The following SV2C variants were observed in gnomAD, a reference collection of about 807,000 sequenced individuals.
The protein encoded by SV2C is synaptic vesicle glycoprotein 2C, also known as solute carrier family 22 member B3.
A neutral mutation model predicts 79.7 loss-of-function variants in SV2C; 49 were observed. The ratio of observed to expected loss-of-function variants is 0.61; its 90% CI spans 0.49 to 0.78. The LOEUF (loss-of-function observed/expected upper bound fraction) is 0.78, where lower values mean the gene tolerates loss of function less well. Among genes scored for constraint, SV2C ranks in the 30% least tolerant of loss-of-function variants. The pLI, the probability that SV2C is intolerant of heterozygous loss-of-function variation, is 0.00. For synonymous variants in SV2C, 334 were observed against 333.2 expected (o/e 1.00, Z -0.03); for missense variants, 833 against 912.9 (o/e 0.91, Z 1.13).
chr5:76,191,410 T>C (rs1744100190), intron 2 of SV2C, among the ~76,000 whole-genome samples: 1 of 152,224 alleles, frequency 6.6e-6, no homozygotes, highest in African/African-American at 2.4e-5. Context: ...CAAGGAATTC[T>C]AGAGTAATGC....
chr5:76,121,484 G>T (rs537474273), intron 1 of SV2C, among the ~76,000 whole-genome samples: 1 of 151,468 alleles, frequency 6.6e-6, no homozygotes, highest in Admixed American at 6.6e-5. Flanking sequence ...TTTTCTTCTA[G>T]GGTTTTTATG....
intron 11 of SV2C, 26 bp from the exon 12 acceptor site, chr5:76,301,360 C>T (rs367884080): frequency 3.2e-5 from 51 of 1,612,104 alleles, no homozygotes; most frequent in Non-Finnish European, 4.3e-5. Context: ...GGAAACATTC[C>T]AGCCTTTTGT....
chr5:76,113,038 G>A (rs562704445), intron 1 of SV2C, among the ~76,000 whole-genome samples: 9 of 152,276 alleles, frequency 5.9e-5, no homozygotes, highest in East Asian at 5.8e-4. Flanking sequence ...ATTTTTGTTC[G>A]TTTTGCATCT....
the SV2C span, among the ~76,000 whole-genome samples, chr5:76,048,996 AAAG>A: frequency 3.0e-5 from 3 of 99,600 alleles, no homozygotes; most frequent in African/African-American, 1.1e-4. Flanking sequence ...AGAAAGAAAG[AAAG>A]AAAGAAAGAA....
At chr5:76,054,209 G>A in the SV2C span, among the ~76,000 whole-genome samples, 1 of 152,090 alleles carries the variant, frequency 6.6e-6, no homozygotes, top group Non-Finnish European at 1.5e-5. Flanking sequence ...TGTTCCCATT[G>A]TTCCACACCC....
chr5:76,123,812 GAA>G (rs1337130868), intron 1 of SV2C, among the ~76,000 whole-genome samples: 1 of 152,160 alleles, frequency 6.6e-6, no homozygotes, highest in Non-Finnish European at 1.5e-5. Flanking sequence ...TCACAGCCAA[GAA>G]TTACTAAACT....
intron 2 of SV2C, among the ~76,000 whole-genome samples, chr5:76,167,812 G>A (rs1274709642): frequency 3.3e-5 from 5 of 152,138 alleles, no homozygotes. Flanking sequence ...TTTATCAGCT[G>A]AGTTATACTG....
intron 12 of SV2C, among the ~76,000 whole-genome samples, chr5:76,350,534 A>T (rs1480168480): frequency 6.6e-6 from 1 of 152,248 alleles, no homozygotes; most frequent in Admixed American, 6.5e-5. Context: ...ACGGAGGCCT[A>T]GAGACAGCAG....
At chr5:76,048,745 T>G in the SV2C span, among the ~76,000 whole-genome samples, 1 of 150,306 alleles carries the variant, frequency 6.7e-6, no homozygotes, top group Non-Finnish European at 1.5e-5. Flanking sequence ...AAGGTGCACA[T>G]GTACAAGCTG....
At chr5:76,123,495 C>T (rs1338717951) in intron 1 of SV2C, among the ~76,000 whole-genome samples, 12 of 152,018 alleles carry the variant, frequency 7.9e-5, no homozygotes, top group African/African-American at 1.9e-4. Context: ...ACTGGCAAAC[C>T]GAATCCAGCA....
chr5:76,347,043 A>G (rs1174726600), intron 12 of SV2C, among the ~76,000 whole-genome samples: 1 of 152,258 alleles, frequency 6.6e-6, no homozygotes, highest in East Asian at 1.9e-4. Context: ...GAACTCTCAT[A>G]AAGAAGTGAG....
At chr5:76,013,229 T>C in the SV2C span, among the ~76,000 whole-genome samples, 154 of 152,350 alleles carry the variant, frequency 1.0e-3, 2 homozygotes, top group African/African-American at 3.6e-3. Flanking sequence ...TGATTCTTCC[T>C]ATCCATAAGC....
At chr5:76,312,263 TG>T (rs35414870) in intron 12 of SV2C, among the ~76,000 whole-genome samples, 3,742 of 144,894 alleles carry the variant, frequency 0.026, 70 homozygotes, top group East Asian at 0.072. Flanking sequence ...TTTTTTTTTT[TG>T]GGGGGGGGGA....
intron 2 of SV2C, among the ~76,000 whole-genome samples, chr5:76,139,931 G>A (rs377222168): frequency 1.9e-3 from 119 of 63,516 alleles, no homozygotes; most frequent in African/African-American, 4.2e-3. Flanking sequence ...CTGCAGTGGC[G>A]CAATCTCGGC....
At chr5:76,189,541 T>C (rs1475847761) in intron 2 of SV2C, among the ~76,000 whole-genome samples, 1 of 152,176 alleles carries the variant, frequency 6.6e-6, no homozygotes, top group Non-Finnish European at 1.5e-5. Flanking sequence ...AGTTGGTAAA[T>C]GCAGGAAAAC....
the SV2C span, among the ~76,000 whole-genome samples, chr5:75,864,109 G>C: frequency 1.3e-5 from 2 of 152,104 alleles, no homozygotes; most frequent in East Asian, 1.9e-4. Flanking sequence ...CAACATAAAG[G>C]TTTCATTAAA....
At chr5:76,068,008 T>G in the SV2C span, among the ~76,000 whole-genome samples, 4 of 152,154 alleles carry the variant, frequency 2.6e-5, no homozygotes, top group African/African-American at 4.8e-5. Context: ...TCAATCATGA[T>G]AGTTTCTTCT....
chr5:75,923,137 C>T, the SV2C span, among the ~76,000 whole-genome samples: 113 of 152,118 alleles, frequency 7.4e-4, no homozygotes, highest in Admixed American at 1.1e-3. Context: ...AACTGATCTT[C>T]GACAAAGCAT....
the SV2C span, among the ~76,000 whole-genome samples, chr5:76,035,148 A>G: frequency 7.2e-4 from 107 of 149,344 alleles, 2 homozygotes; most frequent in African/African-American, 2.6e-3. Flanking sequence ...TTTTTTCTTT[A>G]TAAGTCTTGC....
Sources: gnomAD v4.1 joint callset for allele counts (sites outside exome capture counted in the v4.1 genomes callset) on GRCh38, gnomAD v4.1.1 for gene constraint, MANE v1.5 for transcripts, NCBI Gene and HGNC (gene_info 2026-07-23, HGNC 2026-07-21) for gene names.